FREM2: variants seen among roughly 807,000 people sequenced by gnomAD.
FREM2 encodes the protein FRAS1-related extracellular matrix protein 2.
A neutral mutation model predicts 219.9 loss-of-function variants in FREM2; 119 were observed. The observed-to-expected ratio is 0.54, with a 90% CI of 0.47 to 0.63. The LOEUF (loss-of-function observed/expected upper bound fraction) is 0.63, where lower values mean the gene tolerates loss of function less well. Ranked by LOEUF, FREM2 falls within the 30% of genes least tolerant of loss-of-function variation. The probability of loss-of-function intolerance (pLI) is 0.00; values close to 1 mark genes in which losing one functional copy is unlikely to be tolerated. For synonymous variants in FREM2, 1,562 were observed against 1,522.8 expected (o/e 1.03, Z -0.60); for missense variants, 4,030 against 3,993.6 (o/e 1.01, Z -0.25).
intron 2 of FREM2, among the ~76,000 whole-genome samples, chr13:38,712,079 C>T (rs1255445002): frequency 6.6e-6 from 1 of 151,828 alleles, no homozygotes; most frequent in Non-Finnish European, 1.5e-5. Context: ...TTCCCCCACC[C>T]CCAGCTAATT....
intron 13 of FREM2, 59 bp from the exon 14 acceptor site, chr13:38,859,228 A>G: frequency 6.5e-7 from 1 of 1,531,486 alleles, no homozygotes; most frequent in Non-Finnish European, 9.0e-7. Context: ...AGAACGGGAG[A>G]AGAATGCGTT....
chr13:38,811,169 T>C (rs147353397), intron 6 of FREM2, among the ~76,000 whole-genome samples: 192 of 152,180 alleles, frequency 1.3e-3, no homozygotes, highest in African/African-American at 4.3e-3. Flanking sequence ...TGCCTCCTTT[T>C]TCATCACTGA....
In FREM2 at chr13:38,731,906, C is replaced by T. The variant is rs140248319; in HGVS notation, c.5264-32398C>T. On this transcript the variant is annotated intron_variant, in intron 2 of 23. Coordinates refer to ENST00000280481, the MANE Select transcript of FREM2 (RefSeq NM_207361.6). The stretch of plus-strand genomic sequence containing the variant: ...CAAATAACCACATTAGAAGAAAATC[C>T]GCTAGTGAAAAGAAATCCCATGAAT... Among the ~76,000 whole-genome samples, 144 of 152,202 alleles carry T rather than the reference C, an allele frequency of 9.5e-4. 1 individual carries two copies. Among genetic ancestry groups the T allele is most frequent in the African/African-American group, 2.8e-3 (118 of 41,542 alleles).
At chr13:38,747,387 GATATA>G (rs899684203) in intron 2 of FREM2, among the ~76,000 whole-genome samples, 4 of 120,158 alleles carry the variant, frequency 3.3e-5, no homozygotes, top group African/African-American at 6.5e-5. Context: ...GCATAAAGCT[GATATA>G]ATATGTGTGT....
Position 38,687,897 on chromosome 13 carries a change from A to G in FREM2, c.553A>G (p.Asn185Asp), listed in dbSNP as rs1243519803. ...CACCCAGCTGGAGGTTGTGACTCGGAACTTGCCTCTGGTCGTGGAAGAGCT... is the reference window on the plus strand; with the variant it reads ...CACCCAGCTGGAGGTTGTGACTCGGGACTTGCCTCTGGTCGTGGAAGAGCT... Reference protein sequence around the residue: ...VFTQLEVVTRNLPLVVEELLG... With the variant: ...VFTQLEVVTRDLPLVVEELLG... The change falls in exon 1 of 24, where the codon AAC becomes GAC. Residue 185 changes from asparagine (N) to aspartate (D), a missense_variant. Transcript: ENST00000280481. 6.3e-7 allele frequency: 1 copy of G among 1,589,040 alleles called. No individual in the cohort carries two copies. Among genetic ancestry groups the G allele is most frequent in the Non-Finnish European group, 8.6e-7 (1 of 1,165,938 alleles).
chr13:38,819,124 T>C (rs903779301), intron 6 of FREM2, among the ~76,000 whole-genome samples: 7 of 152,120 alleles, frequency 4.6e-5, no homozygotes, highest in African/African-American at 1.7e-4. Flanking sequence ...TGTAGTGGGT[T>C]TGTTAGCAAT....
At chr13:38,724,176 A>G (rs997313243) in intron 2 of FREM2, among the ~76,000 whole-genome samples, 1 of 152,208 alleles carries the variant, frequency 6.6e-6, no homozygotes, top group Admixed American at 6.5e-5. Context: ...GGGGATGGCA[A>G]CGTACATTGG....
chr13:38,695,973 A>G (rs1870093145), intron 1 of FREM2, among the ~76,000 whole-genome samples: 1 of 152,188 alleles, frequency 6.6e-6, no homozygotes, highest in Non-Finnish European at 1.5e-5. Context: ...CAGAAAGATA[A>G]AAGTGAAACT....
rs750877781 is a variant in FREM2 at position 38,688,184 on chromosome 13, A to ATGG, written c.840_841insTGG (p.Ile280_Pro281insTrp). On this transcript the variant is annotated inframe_insertion, in exon 1 of 24. Transcript: ENST00000280481. Reference sequence around the variant, plus strand: ...GTCGCTCACCAAACAGGGACTGGATACCCATGGTGGTGGAGCTGCGTTCAC... The same window carrying ATGG: ...GTCGCTCACCAAACAGGGACTGGATATGGCCCATGGTGGTGGAGCTGCGTTCAC... 3.7e-6 allele frequency: 6 copies of ATGG among 1,613,506 alleles called. No homozygotes were observed. The highest frequency in any genetic ancestry group is 5.1e-6 in the Non-Finnish European group (6 of 1,179,790).
Position 38,687,720 on chromosome 13 carries a change from C to G in FREM2, c.376C>G (p.Arg126Gly). 6.4e-7 allele frequency: 1 copy of G among 1,554,482 alleles called. No homozygotes were observed. Among genetic ancestry groups the G allele is most frequent in the Non-Finnish European group, 8.7e-7 (1 of 1,147,684 alleles). ...GCGACCGGGCCGCCTGAGTCCCAAG[C>G]GCTTCCCGTGCGACTTTGGCCCTGG... is the stretch of plus-strand genomic sequence containing the variant. ...AQRPGRLSPK[R>G]FPCDFGPGEV... Residue 126 changes from arginine to glycine, a missense_variant, in exon 1 of 24, where the codon CGC becomes GGC. By Grantham distance (125) the Arg-to-Gly change is moderately radical. Around this residue, in one of 2 missense-constraint regions of FREM2, gnomAD observed 3,102 missense variants for 2,950.7 expected, o/e 1.05. Coordinates refer to ENST00000280481, the MANE Select transcript of FREM2 (RefSeq NM_207361.6).
rs775987605 is a variant in FREM2, at chr13:38,690,262, A to G, written c.2918A>G (p.Asn973Ser). Residue 973 changes from asparagine to serine, a missense_variant, in exon 1 of 24, where the codon AAT becomes AGT. This residue lies in a region of FREM2 where 3,102 missense variants were observed against 2,950.7 expected (regional missense o/e 1.05). Coordinates refer to ENST00000280481, the MANE Select transcript of FREM2 (RefSeq NM_207361.6). The part of the protein sequence containing the change: ...EITANVIKGT[N>S]EETDDLMLTF... Reference sequence around the variant, plus strand: ...ACTGCCAATGTTATTAAGGGGACCAATGAGGAAACTGATGACTTGATGTTG... The same window carrying G: ...ACTGCCAATGTTATTAAGGGGACCAGTGAGGAAACTGATGACTTGATGTTG... 1.7e-5 allele frequency: 28 copies of G among 1,614,110 alleles called. No individual in the cohort carries two copies. Among genetic ancestry groups the G allele is most frequent in the Middle Eastern group, 1.6e-4 (1 of 6,084 alleles).
rs776475458 is a variant in FREM2 at position 38,689,751 on chromosome 13, C to T, written c.2407C>T (p.Gln803Ter). ...LGVATRVAQFQFQVEDRAGNV... is the reference protein window; with the variant it reads ...LGVATRVAQF ...CGTGGCTACTCGAGTGGCCCAGTTC[C>T]AGTTCCAGGTGGAAGACCGAGCTGG... The change falls in exon 1 of 24, where the codon CAG becomes TAG. Residue 803 changes from glutamine (Q) to a stop codon, truncating the protein, a stop_gained. Transcript: ENST00000280481. LOFTEE classifies it high-confidence loss of function. The T allele has an allele frequency of 6.2e-7, 1 of 1,613,262 alleles. No homozygotes were observed. Among genetic ancestry groups the T allele is most frequent in the East Asian group, 2.2e-5 (1 of 44,866 alleles).
chr13:38,696,111 TAGTG>T (rs1887234482), intron 1 of FREM2, among the ~76,000 whole-genome samples: 1 of 152,032 alleles, frequency 6.6e-6, no homozygotes, highest in Admixed American at 6.6e-5. Flanking sequence ...CTGGGCGACA[TAGTG>T]AGACCCACAT....
chr13:38,779,987 C>T (rs930518601), intron 4 of FREM2, among the ~76,000 whole-genome samples: 3 of 152,140 alleles, frequency 2.0e-5, no homozygotes, highest in Non-Finnish European at 4.4e-5. Context: ...TCTAAGTGCC[C>T]CATGGTGAAT....
chr13:38,864,090 A>G (rs1180819655), intron 15 of FREM2, among the ~76,000 whole-genome samples, 185 bp from the exon 16 acceptor site: 1 of 90,624 alleles, frequency 1.1e-5, no homozygotes, highest in Non-Finnish European at 2.1e-5. Context: ...AGACCTCCCA[A>G]AGTGCCGGGA....
intron 2 of FREM2, among the ~76,000 whole-genome samples, chr13:38,704,731 A>T (rs1390661142): frequency 6.6e-6 from 1 of 152,202 alleles, no homozygotes; most frequent in East Asian, 1.9e-4. Context: ...ACTACCTGAG[A>T]TTGGCTAATT....
chr13:38,689,790 G>A lies in FREM2; in HGVS notation c.2446G>A (p.Gly816Ser), dbSNP rs1196943367. The A allele has an allele frequency of 3.1e-6, 5 of 1,613,710 alleles. No homozygotes were observed. Among genetic ancestry groups the A allele is most frequent in the East Asian group, 4.5e-5 (2 of 44,880 alleles). ...VEDRAGNVAP[G>S]TFTLYLHPVD... ...AGACCGAGCTGGGAATGTGGCTCCA[G>A]GTACCTTTACCCTTTACTTGCATCC... Residue 816 changes from glycine to serine, a missense_variant, in exon 1 of 24, where the codon GGT becomes AGT. Transcript: ENST00000280481.
chr13:38,867,106 A>G (rs1566172308), intron 16 of FREM2, among the ~76,000 whole-genome samples: 1 of 152,140 alleles, frequency 6.6e-6, no homozygotes, highest in Non-Finnish European at 1.5e-5. Flanking sequence ...TCTCTATTGG[A>G]ACTGACAACA....
chr13:38,760,831 CAA>C (rs112835615), intron 2 of FREM2, among the ~76,000 whole-genome samples: 2 of 143,742 alleles, frequency 1.4e-5, no homozygotes, highest in African/African-American at 2.5e-5. Context: ...CAGAAAATGA[CAA>C]AAAAAAAATA....
Sources: gnomAD v4.1 joint callset for allele counts (sites outside exome capture counted in the v4.1 genomes callset) on GRCh38, gnomAD v4.1.1 for gene constraint, gnomAD v4.1.1 regional missense constraint, MANE v1.5 for transcripts, NCBI Gene and HGNC (gene_info 2026-07-23, HGNC 2026-07-21) for gene names.